Variants in C4orf51 observed in about 807,000 individuals in gnomAD.
C4orf51 encodes the protein uncharacterized protein C4orf51.
A neutral mutation model predicts 25.2 loss-of-function variants in C4orf51; 25 were observed. The ratio of observed to expected loss-of-function variants is 0.99; its 90% CI spans 0.72 to 1.39. C4orf51 has a LOEUF of 1.39. Ranked by LOEUF, C4orf51 falls within the 40% of genes most tolerant of loss-of-function variation. The probability of loss-of-function intolerance (pLI) is 0.00; values close to 1 mark genes in which losing one functional copy is unlikely to be tolerated. For missense variants in C4orf51, 252 were observed against 239.6 expected (o/e 1.05, Z -0.34); for synonymous variants, 100 against 84.5 (o/e 1.18, Z -1.01).
chr4:145,709,373 G>T (rs1731009353), intron 2 of C4orf51, among the ~76,000 whole-genome samples: 1 of 152,212 alleles, frequency 6.6e-6, no homozygotes. Context: ...GCAGAGCCAG[G>T]GTTCCAATTA....
intron 1 of C4orf51, among the ~76,000 whole-genome samples, chr4:145,768,802 T>C (rs1174801162): frequency 7.9e-6 from 1 of 126,300 alleles, no homozygotes; most frequent in Non-Finnish European, 1.6e-5. Context: ...GAGTTTGTGG[T>C]GAGTGGAGAT....
At chr4:145,729,080 G>T in intron 3 of C4orf51, 89 bp from the exon 4 acceptor site, 4 of 908,954 alleles carry the variant, frequency 4.4e-6, no homozygotes, top group Non-Finnish European at 7.0e-6. Context: ...TGCAGGGGTG[G>T]GGAGGAACAA....
intron 1 of C4orf51, among the ~76,000 whole-genome samples, chr4:145,688,124 C>G (rs1729290318): frequency 6.7e-6 from 1 of 149,654 alleles, no homozygotes; most frequent in Non-Finnish European, 1.5e-5. Context: ...TTACTTAAGC[C>G]TGGGAGATGG....
At chr4:145,739,467 T>C (rs1044177755) in intron 1 of C4orf51, among the ~76,000 whole-genome samples, 4 of 152,176 alleles carry the variant, frequency 2.6e-5, no homozygotes, top group African/African-American at 7.2e-5. Flanking sequence ...CAAACTGATA[T>C]TCAACCAACA....
downstream of C4orf51, among the ~76,000 whole-genome samples, chr4:145,736,443 G>C (rs1358583742): frequency 6.6e-6 from 1 of 152,106 alleles, no homozygotes; most frequent in Non-Finnish European, 1.5e-5. Flanking sequence ...TCTGTGACCT[G>C]AGCTGGGTCA....
rs1729941505 is a variant in C4orf51, at chr4:145,694,726, A to G, written c.234-1833A>G. 2.0e-5 allele frequency among the ~76,000 whole-genome samples: 3 copies of G among 147,258 alleles called. No homozygotes were observed. In the South Asian group the frequency reaches 6.6e-4, roughly 32 times the overall value. On this transcript the variant is annotated intron_variant, in intron 1 of 5. Transcript: ENST00000438731. ...CTCTGCCCGGCCGCCCCTACTGGGAAGTGAGGAGCCCCTCTGCCCGGCCAA... is the reference window on the plus strand; with the variant it reads ...CTCTGCCCGGCCGCCCCTACTGGGAGGTGAGGAGCCCCTCTGCCCGGCCAA...
rs202227019 is a variant in C4orf51, at chr4:145,692,953, G to GTTTTTTTTTTTTTTTT, written c.234-3595_234-3580dup. On this transcript the variant is annotated intron_variant, in intron 1 of 5. Coordinates refer to ENST00000438731, the MANE Select transcript of C4orf51 (RefSeq NM_001080531.3). Reference sequence around the variant, plus strand: ...TTACTCCGCTGATATTAAGTTTTTAGTTTTTTTTTTTTTTTTTTTTTTTTT... The same window carrying GTTTTTTTTTTTTTTTT: ...TTACTCCGCTGATATTAAGTTTTTAGTTTTTTTTTTTTTTTTTTTTTTTTTTTTTTTTTTTTTTTTT... 7.0e-4 allele frequency among the ~76,000 whole-genome samples: 71 copies of GTTTTTTTTTTTTTTTT among 100,994 alleles called. 4 individuals are homozygous for GTTTTTTTTTTTTTTTT. The highest frequency in any genetic ancestry group is 6.0e-3 in the Middle Eastern group (1 of 168). 66.3% of individuals were successfully genotyped at this position (100,994 alleles called of 152,430 possible). A position where few individuals can be genotyped will look rare whatever the true frequency, so the allele number is the denominator to read the frequency against.
chr4:145,785,772 CA>C, the C4orf51 span, among the ~76,000 whole-genome samples: 539 of 152,330 alleles, frequency 3.5e-3, 3 homozygotes, highest in Non-Finnish European at 6.1e-3. Flanking sequence ...TTCCAAGCCA[CA>C]TGAAATCAAT....
In C4orf51 at chr4:145,700,064, C is replaced by T. The variant is rs571719856; in HGVS notation, c.307+3432C>T. On this transcript the variant is annotated intron_variant, in intron 2 of 5. Coordinates refer to ENST00000438731, the MANE Select transcript of C4orf51 (RefSeq NM_001080531.3). Reference sequence around the variant, plus strand: ...ATCTCTGTGCCCCAATCCCTTATTTCCATGCCCCAACCTCTTATCTCTATG... The same window carrying T: ...ATCTCTGTGCCCCAATCCCTTATTTTCATGCCCCAACCTCTTATCTCTATG... Among the ~76,000 whole-genome samples the T allele has an allele frequency of 2.6e-5, 4 of 151,880 alleles. No individual in the cohort carries two copies. The South Asian group carries it at 8.3e-4, about 32-fold the overall frequency.
At chr4:145,738,477 T>G (rs1016482704) in intron 1 of C4orf51, among the ~76,000 whole-genome samples, 3 of 139,568 alleles carry the variant, frequency 2.1e-5, no homozygotes, top group South Asian at 2.4e-4. Flanking sequence ...TATATATATA[T>G]AGACACACAC....
the C4orf51 span, among the ~76,000 whole-genome samples, chr4:145,787,733 A>T: frequency 6.6e-6 from 1 of 152,154 alleles, no homozygotes; most frequent in African/African-American, 2.4e-5. Context: ...TTCAGGTGAC[A>T]GTTCTATCAA....
rs1734490212 is a variant in C4orf51 at position 145,761,481 on chromosome 4, C to T, written n.167-9507C>T. 3 of 1,289,862 alleles carry T rather than the reference C, an allele frequency of 2.3e-6. No individual in the cohort carries two copies. The highest frequency in any genetic ancestry group is 2.1e-4 in the Middle Eastern group (1 of 4,696). The allele number at this position is 1,289,862 out of a possible 1,614,324, so 79.9% of individuals were successfully genotyped here. On this transcript the variant is annotated intron_variant and non_coding_transcript_variant, in intron 1 of 1. Coordinates refer to the C4orf51 transcript ENST00000510096. The surrounding 1 kb of genome is among the most constrained non-coding windows in gnomAD (Gnocchi z 6.8). ...GCTCCCGGGTGTGCGTCTCCAGCTC[C>T]AGCTGGTTGGCCTTCACCGTCTGGC...
chr4:145,762,738 A>G lies in C4orf51; in HGVS notation n.167-8250A>G, dbSNP rs1428541113. 1.3e-5 allele frequency among the ~76,000 whole-genome samples: 2 copies of G among 152,186 alleles called. No individual in the cohort carries two copies. The highest frequency in any genetic ancestry group is 2.9e-5 in the Non-Finnish European group (2 of 68,018). ...CACGAGGAGTGGTGAGGCCATGTTA[A>G]CAAACTCTGCTGAGCCTCTCTTTTA... On this transcript the variant is annotated intron_variant and non_coding_transcript_variant, in intron 1 of 1. Transcript: ENST00000510096. The surrounding 1 kb of genome is among the most constrained non-coding windows in gnomAD (Gnocchi z 4.9).
At chr4:145,753,621 C>A (rs1329869287) in intron 1 of C4orf51, among the ~76,000 whole-genome samples, 5 of 152,182 alleles carry the variant, frequency 3.3e-5, no homozygotes, top group Non-Finnish European at 7.3e-5. Flanking sequence ...CAAATGTAAT[C>A]TTTTTATTCC....
At chr4:145,790,150 C>T in the C4orf51 span, among the ~76,000 whole-genome samples, 6 of 152,178 alleles carry the variant, frequency 3.9e-5, no homozygotes, top group African/African-American at 1.2e-4. Context: ...TATTAGGTGA[C>T]AGCAAATCTT....
At chr4:145,784,923 T>G in the C4orf51 span, among the ~76,000 whole-genome samples, 2 of 152,248 alleles carry the variant, frequency 1.3e-5, no homozygotes, top group African/African-American at 4.8e-5. Flanking sequence ...CACTCTTATA[T>G]TCTGATCCCT....
At chr4:145,680,764 G>GT (rs1042024016) in intron 1 of C4orf51, among the ~76,000 whole-genome samples, 1 of 152,096 alleles carries the variant, frequency 6.6e-6, no homozygotes, top group Non-Finnish European at 1.5e-5. Context: ...TTCTTGTTTG[G>GT]TTTTCTGGCT....
At chr4:145,723,734 G>A (rs1731884467) in intron 2 of C4orf51, among the ~76,000 whole-genome samples, 1 of 152,214 alleles carries the variant, frequency 6.6e-6, no homozygotes, top group Admixed American at 6.5e-5. Context: ...TTCTAAGACT[G>A]GGTAGTGGGA....
chr4:145,710,791 G>A (rs1397652442), intron 2 of C4orf51, among the ~76,000 whole-genome samples: 4 of 151,824 alleles, frequency 2.6e-5, no homozygotes, highest in Non-Finnish European at 4.4e-5. Context: ...TGTATGTGTG[G>A]TGGGGGGTGT....
Sources: gnomAD v4.1 joint callset for allele counts (sites outside exome capture counted in the v4.1 genomes callset) on GRCh38, gnomAD v4.1.1 for gene constraint, Gnocchi (gnomAD v3.1) non-coding constraint, MANE v1.5 for transcripts, NCBI Gene and HGNC (gene_info 2026-07-23, HGNC 2026-07-21) for gene names.